Variants in CTNNA3 observed in about 807,000 individuals in gnomAD.
CTNNA3 encodes catenin alpha 3, also known as catenin alpha-3.
Under a neutral mutation model 95.7 loss-of-function variants are expected in CTNNA3, and 76 were observed. The ratio of observed to expected loss-of-function variants is 0.79; its 90% CI spans 0.66 to 0.96. The LOEUF is 0.96. Ranked by LOEUF, CTNNA3 falls within the 40% of genes least tolerant of loss-of-function variation. The pLI is 0.00. For missense variants in CTNNA3, 1,191 were observed against 1,089.8 expected, an observed-to-expected ratio of 1.09 and a Z score of -1.31; for synonymous variants, 431 against 374.4, an observed-to-expected ratio of 1.15 and a Z score of -1.74.
At chr10:67,225,928 G>T (rs1049876115) in intron 5 of CTNNA3, among the ~76,000 whole-genome samples, 1 of 152,146 alleles carries the variant, frequency 6.6e-6, no homozygotes, top group Admixed American at 6.5e-5. Flanking sequence ...GCTAATCAGG[G>T]AGGGACCAGA....
chr10:66,992,304 T>C (rs1490977091), intron 7 of CTNNA3, among the ~76,000 whole-genome samples: 1 of 152,198 alleles, frequency 6.6e-6, no homozygotes, highest in African/African-American at 2.4e-5. Flanking sequence ...ATTTGTCCTT[T>C]GGTTTTGCAC....
intron 7 of CTNNA3, among the ~76,000 whole-genome samples, chr10:66,853,530 A>C (rs1405225872): frequency 6.6e-6 from 1 of 152,120 alleles, no homozygotes; most frequent in Admixed American, 6.6e-5. Flanking sequence ...TTAGTGTTAT[A>C]ATTTTAACAC....
intron 7 of CTNNA3, among the ~76,000 whole-genome samples, chr10:66,928,867 T>C (rs1847220325): frequency 6.6e-6 from 1 of 152,192 alleles, no homozygotes; most frequent in Non-Finnish European, 1.5e-5. Flanking sequence ...AGGAAAGAGG[T>C]GAATGATTCC....
chr10:66,346,226 TATATATATATATATATATATAGAGAG>T (rs1326387828), intron 12 of CTNNA3, among the ~76,000 whole-genome samples: 366 of 73,212 alleles, frequency 5.0e-3, no homozygotes, highest in East Asian at 9.5e-3. Flanking sequence ...TATATATATA[TATATATATATATATATATATAGAGAG>T]AGAGAGAGAG....
chr10:66,410,579 C>T (rs760940145), intron 11 of CTNNA3, among the ~76,000 whole-genome samples: 2 of 152,174 alleles, frequency 1.3e-5, no homozygotes, highest in Non-Finnish European at 2.9e-5. Flanking sequence ...TGAGATGAGG[C>T]AATTCTAAAT....
intron 7 of CTNNA3, among the ~76,000 whole-genome samples, chr10:67,136,174 G>T (rs1261819431): frequency 6.6e-6 from 1 of 151,422 alleles, no homozygotes. Context: ...TTGTTTGGTT[G>T]GTTTTTTTAC....
chr10:66,512,567 CTTAA>C (rs1840699635), intron 11 of CTNNA3, among the ~76,000 whole-genome samples: 1 of 151,808 alleles, frequency 6.6e-6, no homozygotes, highest in African/African-American at 2.4e-5. Context: ...CATGTTTTTC[CTTAA>C]TTGATAGGTA....
intron 1 of CTNNA3, among the ~76,000 whole-genome samples, chr10:67,722,113 A>G (rs921273817): frequency 5.9e-5 from 9 of 152,144 alleles, no homozygotes; most frequent in East Asian, 1.9e-4. Context: ...AACAATCTCA[A>G]TGGTTCCCCT....
intron 9 of CTNNA3, among the ~76,000 whole-genome samples, chr10:66,637,594 C>T (rs1162099213): frequency 6.6e-6 from 1 of 152,222 alleles, no homozygotes; most frequent in Non-Finnish European, 1.5e-5. Flanking sequence ...AGCATTCTGG[C>T]TTTGCTCAGT....
At chr10:66,122,809 C>A (rs1365160726) in intron 13 of CTNNA3, among the ~76,000 whole-genome samples, 1 of 152,190 alleles carries the variant, frequency 6.6e-6, no homozygotes, top group Non-Finnish European at 1.5e-5. Flanking sequence ...AGAGCTTGTG[C>A]AGGGAGAACT....
chr10:66,401,658 C>A (rs1296810774), intron 11 of CTNNA3, among the ~76,000 whole-genome samples: 1 of 116,302 alleles, frequency 8.6e-6, no homozygotes, highest in Admixed American at 9.4e-5. Context: ...CCATTTCTTT[C>A]TTTTTTTTTT....
chr10:67,678,810 G>A (rs968535532), intron 1 of CTNNA3, among the ~76,000 whole-genome samples: 6 of 152,142 alleles, frequency 3.9e-5, no homozygotes, highest in African/African-American at 1.4e-4. Flanking sequence ...AGGTTAGGAT[G>A]AACACATCAC....
chr10:66,001,552 C>G (rs182159085), intron 15 of CTNNA3, among the ~76,000 whole-genome samples: 1 of 152,238 alleles, frequency 6.6e-6, no homozygotes, highest in Admixed American at 6.5e-5. Context: ...GTTGACTTTG[C>G]TGATCTGAGC....
chr10:66,668,085 C>T (rs1364331198), intron 9 of CTNNA3, among the ~76,000 whole-genome samples: 1 of 152,066 alleles, frequency 6.6e-6, no homozygotes, highest in Non-Finnish European at 1.5e-5. Context: ...GTTTTAAATG[C>T]TTGCTTCTAA....
chr10:67,236,582 G>A (rs902541538), intron 5 of CTNNA3, among the ~76,000 whole-genome samples: 1 of 151,498 alleles, frequency 6.6e-6, no homozygotes, highest in East Asian at 2.0e-4. Context: ...TAGTGGGTGT[G>A]GCGCGCCAAC....
chr10:67,028,526 T>G (rs2133100701), intron 7 of CTNNA3, among the ~76,000 whole-genome samples: 1 of 151,970 alleles, frequency 6.6e-6, no homozygotes, highest in East Asian at 1.9e-4. Flanking sequence ...AGGCAAATAG[T>G]CAATGAAATC....
intron 12 of CTNNA3, among the ~76,000 whole-genome samples, chr10:66,297,425 T>A (rs2091796725): frequency 6.6e-6 from 1 of 152,138 alleles, no homozygotes; most frequent in Admixed American, 6.5e-5. Flanking sequence ...GGTTTAAGAA[T>A]ACATTTAATC....
intron 13 of CTNNA3, among the ~76,000 whole-genome samples, chr10:66,270,224 T>TTGGG (rs367695664): frequency 2.1e-5 from 2 of 95,758 alleles, no homozygotes; most frequent in African/African-American, 8.0e-5. Context: ...TAACATTTTT[T>TTGGG]GGGGGGGGGG....
intron 3 of CTNNA3, among the ~76,000 whole-genome samples, chr10:67,575,770 T>C (rs1240817997): frequency 6.6e-6 from 1 of 152,206 alleles, no homozygotes; most frequent in African/African-American, 2.4e-5. Context: ...ACCCTTCTGT[T>C]AGCTTTCCTT....
Sources: gnomAD v4.1 joint callset for allele counts (sites outside exome capture counted in the v4.1 genomes callset) on GRCh38, gnomAD v4.1.1 for gene constraint, MANE v1.5 for transcripts, NCBI Gene and HGNC (gene_info 2026-07-23, HGNC 2026-07-21) for gene names.